The following IMMP2L variants were observed in gnomAD, a reference collection of about 807,000 sequenced individuals.
The protein encoded by IMMP2L is inner mitochondrial membrane peptidase subunit 2.
IMMP2L carries 18 observed loss-of-function variants against 19.3 expected under a neutral mutation model. The observed-to-expected ratio is 0.93, with a 90% confidence interval of 0.64 to 1.38. The LOEUF is 1.38. IMMP2L is among the 40% of genes most tolerant of loss of function. The pLI, the probability that IMMP2L is intolerant of heterozygous loss-of-function variation, is 0.00. For synonymous variants in IMMP2L, 76 were observed against 73.0 expected, an observed-to-expected ratio of 1.04 and a Z score of -0.21; for missense variants, 233 against 218.2, an observed-to-expected ratio of 1.07 and a Z score of -0.43.
chr7:110,714,128 T>C (rs1174157296), intron 5 of IMMP2L, among the ~76,000 whole-genome samples: 1 of 152,224 alleles, frequency 6.6e-6, no homozygotes, highest in African/African-American at 2.4e-5. Flanking sequence ...TCAGGGTTTT[T>C]CTCATGAAGA....
At chr7:111,100,382 A>AGTAT (rs1391346382) in intron 3 of IMMP2L, among the ~76,000 whole-genome samples, 2 of 149,208 alleles carry the variant, frequency 1.3e-5, no homozygotes, top group Non-Finnish European at 3.0e-5. Context: ...CAAGATCAGG[A>AGTAT]GTATATATAT....
chr7:111,501,133 C>G (rs1844201155), intron 2 of IMMP2L, among the ~76,000 whole-genome samples: 1 of 152,032 alleles, frequency 6.6e-6, no homozygotes, highest in Non-Finnish European at 1.5e-5. Context: ...CTTAAAGGAG[C>G]TGATGGAGCT....
chr7:110,676,539 G>A (rs1792313032), intron 5 of IMMP2L, among the ~76,000 whole-genome samples: 2 of 152,146 alleles, frequency 1.3e-5, no homozygotes, highest in Admixed American at 6.6e-5. Flanking sequence ...CTACCTGTCA[G>A]CAATAAGCAT....
At chr7:111,157,412 T>C (rs1339156859) in intron 3 of IMMP2L, among the ~76,000 whole-genome samples, 1 of 152,054 alleles carries the variant, frequency 6.6e-6, no homozygotes, top group East Asian at 1.9e-4. Context: ...TAATAAGATC[T>C]TGTCATTTGC....
At chr7:111,283,226 A>C (rs1820098580) in intron 3 of IMMP2L, among the ~76,000 whole-genome samples, 1 of 152,228 alleles carries the variant, frequency 6.6e-6, no homozygotes, top group Non-Finnish European at 1.5e-5. Flanking sequence ...TGGGTCAAAG[A>C]AGAAATCAAA....
chr7:110,854,665 A>C (rs992682548), intron 5 of IMMP2L, among the ~76,000 whole-genome samples: 2 of 151,882 alleles, frequency 1.3e-5, no homozygotes, highest in African/African-American at 4.8e-5. Context: ...ATAACACTTA[A>C]AACACATGTA....
At chr7:110,809,370 A>G (rs1460903496) in intron 5 of IMMP2L, among the ~76,000 whole-genome samples, 1 of 152,016 alleles carries the variant, frequency 6.6e-6, no homozygotes, top group Non-Finnish European at 1.5e-5. Context: ...ACATTATTTT[A>G]TATATAGCAA....
chr7:110,957,821 G>A (rs1818514186), intron 4 of IMMP2L, among the ~76,000 whole-genome samples: 1 of 151,938 alleles, frequency 6.6e-6, no homozygotes, highest in Admixed American at 6.6e-5. Context: ...GAAGTTTTCA[G>A]TGAACATCCT....
chr7:110,936,143 A>G (rs1816087511), intron 4 of IMMP2L, among the ~76,000 whole-genome samples: 2 of 152,306 alleles, frequency 1.3e-5, no homozygotes, highest in Admixed American at 6.5e-5. Flanking sequence ...GCATGAGCAA[A>G]GACTTCATGA....
Position 110,760,506 on chromosome 7 carries a change from T to G in IMMP2L, c.409-96785A>C, listed in dbSNP as rs1798286315. On this transcript the variant is annotated intron_variant, in intron 5 of 5. Coordinates refer to ENST00000405709, the MANE Select transcript of IMMP2L (RefSeq NM_032549.4). This position sits in a 1 kb window ranked among gnomAD's most constrained non-coding sequence, Gnocchi z 4.2. Reference sequence around the variant, plus strand: ...ACAACTAGACTGAGAAGTGGTCTATTACTCACTGCTTTCAGCTTATATAAA... The same window carrying G: ...ACAACTAGACTGAGAAGTGGTCTATGACTCACTGCTTTCAGCTTATATAAA... Among the ~76,000 whole-genome samples the G allele has an allele frequency of 6.6e-6, 1 of 152,112 alleles. No homozygotes were observed. The highest frequency in any genetic ancestry group is 6.6e-5 in the Admixed American group (1 of 15,252).
At chr7:111,238,769 T>G (rs1412026956) in intron 3 of IMMP2L, among the ~76,000 whole-genome samples, 1 of 151,910 alleles carries the variant, frequency 6.6e-6, no homozygotes, top group Non-Finnish European at 1.5e-5. Context: ...GAATAGGGTG[T>G]GGAAAAGTAA....
chr7:111,252,449 C>A (rs1478591375), intron 3 of IMMP2L, among the ~76,000 whole-genome samples: 1 of 151,892 alleles, frequency 6.6e-6, no homozygotes, highest in Non-Finnish European at 1.5e-5. Context: ...AAACAAGTAC[C>A]CTAAATATTG....
chr7:111,518,006 T>C (rs552347975), intron 2 of IMMP2L, among the ~76,000 whole-genome samples: 1 of 152,264 alleles, frequency 6.6e-6, no homozygotes, highest in African/African-American at 2.4e-5. Context: ...AATCCTATTT[T>C]CCATTGAATT....
At chr7:111,299,902 C>A (rs1822040038) in intron 3 of IMMP2L, among the ~76,000 whole-genome samples, 1 of 145,862 alleles carries the variant, frequency 6.9e-6, no homozygotes, top group South Asian at 2.4e-4. Flanking sequence ...GGGCTGCATC[C>A]TTGCTGACGA....
intron 3 of IMMP2L, among the ~76,000 whole-genome samples, chr7:111,087,407 C>T (rs763018508): frequency 6.6e-6 from 1 of 150,766 alleles, no homozygotes; most frequent in Non-Finnish European, 1.5e-5. Flanking sequence ...CGAGATCGTG[C>T]CACTGCACTC....
At chr7:110,838,899 G>A (rs987763701) in intron 5 of IMMP2L, among the ~76,000 whole-genome samples, 4 of 151,860 alleles carry the variant, frequency 2.6e-5, no homozygotes, top group African/African-American at 9.7e-5. Context: ...TTCAGCTGTT[G>A]ATCTTAATGT....
intron 4 of IMMP2L, among the ~76,000 whole-genome samples, chr7:110,930,367 G>T (rs781603290): frequency 2.3e-4 from 35 of 151,096 alleles, no homozygotes; most frequent in Non-Finnish European, 4.4e-4. Context: ...AGACAGCCTT[G>T]TACCTGTAAA....
At chr7:110,910,536 G>C (rs1464618967) in intron 4 of IMMP2L, among the ~76,000 whole-genome samples, 1 of 152,154 alleles carries the variant, frequency 6.6e-6, no homozygotes, top group Non-Finnish European at 1.5e-5. Context: ...GATGGCAACA[G>C]TGTGAAAAGA....
chr7:110,954,685 C>T (rs575364701), intron 4 of IMMP2L, among the ~76,000 whole-genome samples: 1 of 152,162 alleles, frequency 6.6e-6, no homozygotes, highest in South Asian at 2.1e-4. Context: ...GGGATCTGAA[C>T]CAAGGCAGTT....
Sources: allele counts gnomAD v4.1 joint callset (sites outside exome capture counted in the v4.1 genomes callset), GRCh38; gene constraint gnomAD v4.1.1; non-coding constraint Gnocchi (gnomAD v3.1); transcripts MANE v1.5; gene names NCBI Gene and HGNC (gene_info 2026-07-23, HGNC 2026-07-21).